The following SOX5 variants were observed in gnomAD, a reference collection of about 807,000 sequenced individuals.
The protein encoded by SOX5 is transcription factor SOX-5.
A neutral mutation model predicts 92.0 loss-of-function variants in SOX5; 9 were observed. That is an observed-to-expected ratio of 0.10 (90% CI 0.06 to 0.17). SOX5 has a LOEUF of 0.17. SOX5 is among the 10% of genes least tolerant of loss of function. The pLI is 1.00. For synonymous variants in SOX5, 344 were observed against 336.3 expected (o/e 1.02, Z -0.25); for missense variants, 642 against 944.5 (o/e 0.68, Z 4.20).
At chr12:23,765,964 C>T (rs978274324) in intron 3 of SOX5, among the ~76,000 whole-genome samples, 3 of 152,240 alleles carry the variant, frequency 2.0e-5, no homozygotes, top group Non-Finnish European at 4.4e-5. Flanking sequence ...CCAATTGTGA[C>T]CATCACTAAA....
At chr12:23,644,971 A>AT (rs1395193773) in intron 7 of SOX5, among the ~76,000 whole-genome samples, 3 of 152,190 alleles carry the variant, frequency 2.0e-5, no homozygotes, top group Non-Finnish European at 1.5e-5. Context: ...GTGAAAATTC[A>AT]TTTTTTATTA....
At chr12:24,122,448 G>C (rs1948722726) in intron 4 of SOX5, among the ~76,000 whole-genome samples, 1 of 152,174 alleles carries the variant, frequency 6.6e-6, no homozygotes, top group Non-Finnish European at 1.5e-5. Context: ...TTTTTAAGAA[G>C]GGGACGGTTA....
At chr12:24,163,385 A>G (rs530214140) in intron 4 of SOX5, among the ~76,000 whole-genome samples, 2 of 152,264 alleles carry the variant, frequency 1.3e-5, no homozygotes, top group South Asian at 2.1e-4. Flanking sequence ...TAGCCATATG[A>G]TAATGATCTT....
At chr12:23,652,213 A>G (rs895318287) in intron 7 of SOX5, among the ~76,000 whole-genome samples, 2 of 152,008 alleles carry the variant, frequency 1.3e-5, no homozygotes, top group Admixed American at 6.6e-5. Context: ...TGCCTCTGTT[A>G]ATGATTTTCT....
intron 10 of SOX5, among the ~76,000 whole-genome samples, chr12:23,574,003 T>A (rs1476467209): frequency 6.6e-6 from 1 of 151,604 alleles, no homozygotes; most frequent in Admixed American, 6.6e-5. Context: ...TAGTTATCTA[T>A]ATTATAATAT....
chr12:23,891,607 CTT>C (rs11335884), intron 2 of SOX5, among the ~76,000 whole-genome samples: 1 of 151,572 alleles, frequency 6.6e-6, no homozygotes, highest in Admixed American at 6.6e-5. Context: ...AAGCTGCCTT[CTT>C]TTTTTTTCTT....
At chr12:23,672,473 A>G (rs11047037) in intron 6 of SOX5, among the ~76,000 whole-genome samples, 3,528 of 152,238 alleles carry the variant, frequency 0.023, 55 homozygotes, top group Non-Finnish European at 0.042. Context: ...CTATGAGTTT[A>G]TATGATACAA....
chr12:24,439,525 T>A (rs1940095665), intron 1 of SOX5, among the ~76,000 whole-genome samples: 1 of 152,212 alleles, frequency 6.6e-6, no homozygotes. Context: ...AAGTGAAATT[T>A]CCATATCATA....
At chr12:24,431,133 T>C (rs1938229263) in intron 1 of SOX5, among the ~76,000 whole-genome samples, 3 of 152,280 alleles carry the variant, frequency 2.0e-5, no homozygotes, top group Admixed American at 2.0e-4. Flanking sequence ...TCTGTCTATA[T>C]CTATATGTCT....
At chr12:23,895,488 A>G (rs2097168034) in intron 2 of SOX5, among the ~76,000 whole-genome samples, 1 of 152,172 alleles carries the variant, frequency 6.6e-6, no homozygotes, top group South Asian at 2.1e-4. Flanking sequence ...CCAAATTTTC[A>G]TGCTGAATAA....
chr12:23,780,278 G>T, intron 3 of SOX5, among the ~76,000 whole-genome samples: 1 of 151,646 alleles, frequency 6.6e-6, no homozygotes, highest in Admixed American at 6.6e-5. Context: ...CAAGACTACA[G>T]ATTTATACAC....
At chr12:23,704,048 A>G (rs1285901241) in intron 6 of SOX5, among the ~76,000 whole-genome samples, 1 of 151,994 alleles carries the variant, frequency 6.6e-6, no homozygotes, top group Admixed American at 6.6e-5. Context: ...AGATAATACT[A>G]TAACAGCAGT....
intron 4 of SOX5, among the ~76,000 whole-genome samples, chr12:24,036,443 T>C (rs754719023): frequency 1.3e-4 from 20 of 152,168 alleles, no homozygotes; most frequent in Non-Finnish European, 2.5e-4. Context: ...GTATACAGGG[T>C]TGATTTTCAA....
At chr12:23,718,132 G>A (rs773854535) in intron 6 of SOX5, among the ~76,000 whole-genome samples, 2 of 152,076 alleles carry the variant, frequency 1.3e-5, no homozygotes, top group Non-Finnish European at 2.9e-5. Context: ...CCATAAATAT[G>A]TGTGTATGTG....
intron 2 of SOX5, among the ~76,000 whole-genome samples, chr12:23,871,288 A>G (rs1277895273): frequency 2.6e-5 from 4 of 152,190 alleles, no homozygotes; most frequent in African/African-American, 9.6e-5. Context: ...AACACACAAA[A>G]TGAATTAACA....
intron 4 of SOX5, among the ~76,000 whole-genome samples, chr12:24,045,978 C>G (rs555168649): frequency 2.0e-5 from 3 of 152,312 alleles, no homozygotes; most frequent in Admixed American, 6.5e-5. Flanking sequence ...GTGGTCATGT[C>G]TATCCCAAGC....
At chr12:23,840,870 G>T in intron 3 of SOX5, among the ~76,000 whole-genome samples, 1 of 149,404 alleles carries the variant, frequency 6.7e-6, no homozygotes, top group Non-Finnish European at 1.5e-5. Flanking sequence ...ATTGCAAAAT[G>T]AAAAACTACA....
At chr12:24,521,446 T>C (rs1950255731) in intron 1 of SOX5, among the ~76,000 whole-genome samples, 1 of 152,232 alleles carries the variant, frequency 6.6e-6, no homozygotes, top group African/African-American at 2.4e-5. Flanking sequence ...TGTAAAATAC[T>C]ATGAATCAAA....
intron 4 of SOX5, among the ~76,000 whole-genome samples, chr12:24,026,690 T>C (rs1954929909): frequency 6.6e-6 from 1 of 150,476 alleles, no homozygotes; most frequent in Admixed American, 6.6e-5. Flanking sequence ...GAATGTTAAA[T>C]TGTATGCATA....
Sources: gnomAD v4.1 joint callset for allele counts (sites outside exome capture counted in the v4.1 genomes callset) on GRCh38, gnomAD v4.1.1 for gene constraint, MANE v1.5 for transcripts, NCBI Gene and HGNC (gene_info 2026-07-23, HGNC 2026-07-21) for gene names.